The following ZSWIM6 variants were observed in gnomAD, a reference collection of about 807,000 sequenced individuals.
ZSWIM6 encodes the protein zinc finger SWIM domain-containing protein 6.
ZSWIM6 carries 9 observed loss-of-function variants against 113.2 expected under a neutral mutation model. The observed-to-expected ratio is 0.08, with a 90% CI of 0.05 to 0.14. The LOEUF is 0.14. Ranked by LOEUF, ZSWIM6 falls within the 10% of genes least tolerant of loss-of-function variation. The probability of loss-of-function intolerance (pLI) is 1.00; values close to 1 mark genes in which losing one functional copy is unlikely to be tolerated. For missense variants in ZSWIM6, 1,162 were observed against 1,552.2 expected (o/e 0.75, Z 4.22); for synonymous variants, 611 against 606.5 (o/e 1.01, Z -0.11).
At chr5:61,388,138 A>T (rs568748900) in intron 1 of ZSWIM6, among the ~76,000 whole-genome samples, 2 of 151,714 alleles carry the variant, frequency 1.3e-5, no homozygotes, top group East Asian at 4.0e-4. Context: ...ACCCACCATG[A>T]TGCCCAGCTA....
At chr5:61,406,474 G>T (rs1746045306) in intron 1 of ZSWIM6, among the ~76,000 whole-genome samples, 1 of 151,928 alleles carries the variant, frequency 6.6e-6, no homozygotes, top group Admixed American at 6.6e-5. Context: ...TTTCCTTAAA[G>T]AATATATTAA....
chr5:61,397,699 T>G (rs1745870389), intron 1 of ZSWIM6, among the ~76,000 whole-genome samples: 1 of 152,218 alleles, frequency 6.6e-6, no homozygotes. Context: ...AGAAGTAATC[T>G]TCACCTAAAT....
At position 61,375,185 on chromosome 5, in the gene ZSWIM6, C is replaced by T. The variant is rs112490347; in HGVS notation, c.676+42237C>T. The T allele has an allele frequency of 7.7e-5, 125 of 1,613,128 alleles. 2 individuals carry two copies. In the African/African-American group the frequency reaches 1.1e-3, roughly 14 times the overall value. On this transcript the variant is annotated intron_variant, in intron 1 of 13. Coordinates refer to ENST00000252744, the MANE Select transcript of ZSWIM6 (RefSeq NM_020928.2). ...GCGAGATCAAGGGGTCCAATCCAGT[C>T]TTCAGGGCCAACAATACAGGATTAT...
chr5:61,448,464 C>A (rs950458343), intron 1 of ZSWIM6, among the ~76,000 whole-genome samples: 1 of 152,150 alleles, frequency 6.6e-6, no homozygotes, highest in African/African-American at 2.4e-5. Flanking sequence ...TCATTTTCTT[C>A]CCTGTAACTG....
intron 1 of ZSWIM6, among the ~76,000 whole-genome samples, chr5:61,376,853 A>C (rs1745382801): frequency 6.7e-6 from 1 of 149,568 alleles, no homozygotes; most frequent in Non-Finnish European, 1.5e-5. Context: ...TTGCTGTCTT[A>C]AGTTCATTAC....
chr5:61,478,445 A>G (rs1185133546), intron 2 of ZSWIM6, among the ~76,000 whole-genome samples: 1 of 152,226 alleles, frequency 6.6e-6, no homozygotes, highest in African/African-American at 2.4e-5. Context: ...ACACATGTGC[A>G]GACATGTGCA....
intron 1 of ZSWIM6, among the ~76,000 whole-genome samples, chr5:61,456,159 A>G (rs1468257068): frequency 2.0e-5 from 3 of 152,004 alleles, no homozygotes; most frequent in Non-Finnish European, 2.9e-5. Flanking sequence ...ACACCAGGAG[A>G]GTTCAATTTC....
intron 7 of ZSWIM6, among the ~76,000 whole-genome samples, chr5:61,528,803 G>T (rs1749353943): frequency 6.6e-6 from 1 of 152,074 alleles, no homozygotes; most frequent in African/African-American, 2.4e-5. Context: ...GGCCAGGCTG[G>T]TCTCGAACTC....
intron 1 of ZSWIM6, among the ~76,000 whole-genome samples, chr5:61,366,643 G>A (rs543686783): frequency 5.9e-5 from 9 of 152,290 alleles, no homozygotes; most frequent in Admixed American, 2.0e-4. Flanking sequence ...GTATTTGAAA[G>A]AGGCACATGC....
intron 1 of ZSWIM6, chr5:61,391,593 C>T: frequency 1.1e-6 from 1 of 906,658 alleles, no homozygotes; most frequent in Non-Finnish European, 1.9e-6. Flanking sequence ...GAGGGGTTTC[C>T]ACGAAGCCCA....
At position 61,371,100 on chromosome 5, in the gene ZSWIM6, T is replaced by C. The variant is rs576591317; in HGVS notation, c.676+38152T>C. On this transcript the variant is annotated intron_variant, in intron 1 of 13. Coordinates refer to ENST00000252744, the MANE Select transcript of ZSWIM6 (RefSeq NM_020928.2). Reference sequence around the variant, plus strand: ...GGAATATGTCCTGGGGACAGAGGAGTGGAATATTTTTTATTTTTAGGAATT... The same window carrying C: ...GGAATATGTCCTGGGGACAGAGGAGCGGAATATTTTTTATTTTTAGGAATT... Among the ~76,000 whole-genome samples the C allele has an allele frequency of 1.1e-3, 161 of 152,094 alleles. 1 individual carries two copies. The highest frequency in any genetic ancestry group is 3.6e-3 in the African/African-American group (150 of 41,524).
chr5:61,468,889 T>G (rs145758692), intron 1 of ZSWIM6, among the ~76,000 whole-genome samples: 51 of 152,360 alleles, frequency 3.3e-4, no homozygotes, highest in Admixed American at 7.2e-4. Flanking sequence ...ATGTATTGCA[T>G]AGTCTTATAA....
intron 1 of ZSWIM6, among the ~76,000 whole-genome samples, chr5:61,425,513 A>G (rs555273096): frequency 6.6e-6 from 1 of 152,320 alleles, no homozygotes; most frequent in East Asian, 1.9e-4. Flanking sequence ...TCATGCTCTG[A>G]GAGTTCTCAT....
At chr5:61,516,227 GT>G (rs1181191815) in intron 4 of ZSWIM6, among the ~76,000 whole-genome samples, 1 of 150,450 alleles carries the variant, frequency 6.6e-6, no homozygotes, top group Non-Finnish European at 1.5e-5. Flanking sequence ...TATCCCCTCT[GT>G]TTCCATTCAT....
rs534346781 is a variant in ZSWIM6 at position 61,465,991 on chromosome 5, C to T, written c.677-6690C>T. Among the ~76,000 whole-genome samples, 6 of 152,262 alleles carry T rather than the reference C, an allele frequency of 3.9e-5. No homozygotes were observed. The South Asian group carries it at 1.2e-3, about 32-fold the overall frequency. ...AATTAGCCAGCTCACAGGATGCAGTCCCTTTAATTTAGGATTTCCCTTTGA... is the reference window on the plus strand; with the variant it reads ...AATTAGCCAGCTCACAGGATGCAGTTCCTTTAATTTAGGATTTCCCTTTGA... On this transcript the variant is annotated intron_variant, in intron 1 of 13. Transcript: ENST00000252744.
At chr5:61,411,624 T>C (rs1362299976) in intron 1 of ZSWIM6, among the ~76,000 whole-genome samples, 1 of 152,222 alleles carries the variant, frequency 6.6e-6, no homozygotes, top group African/African-American at 2.4e-5. Context: ...CATACAAATT[T>C]ATTTGTCCCA....
chr5:61,377,254 A>G (rs548976611), intron 1 of ZSWIM6, among the ~76,000 whole-genome samples: 3 of 152,296 alleles, frequency 2.0e-5, no homozygotes, highest in Admixed American at 2.0e-4. Context: ...TTGGATCTAT[A>G]ATTTATACCT....
chr5:61,390,818 TGGCACTGGCAA>T, intron 1 of ZSWIM6: 1 of 799,790 alleles, frequency 1.3e-6, no homozygotes, highest in South Asian at 1.3e-5. Flanking sequence ...GCCGTTTGGT[TGGCACTGGCAA>T]GGACTTGTGA....
intron 2 of ZSWIM6, among the ~76,000 whole-genome samples, chr5:61,476,542 AGTTAAT>A (rs201023025): frequency 0.03 from 4,623 of 152,300 alleles, 220 homozygotes; most frequent in African/African-American, 0.1. Context: ...GCTGTAAGAT[AGTTAAT>A]GTTAATGGCC....
Sources: gnomAD v4.1 joint callset for allele counts (sites outside exome capture counted in the v4.1 genomes callset) on GRCh38, gnomAD v4.1.1 for gene constraint, MANE v1.5 for transcripts, NCBI Gene and HGNC (gene_info 2026-07-23, HGNC 2026-07-21) for gene names.